GK5: variants seen among roughly 807,000 people sequenced by gnomAD.
GK5 encodes the protein ATP:glycerol 3-phosphotransferase 5.
A neutral mutation model predicts 77.3 loss-of-function variants in GK5; 39 were observed. The observed-to-expected ratio is 0.50, with a 90% confidence interval of 0.39 to 0.66. GK5 has a LOEUF of 0.66. GK5 is among the 30% of genes least tolerant of loss of function. GK5 has a pLI of 0.00. For missense variants in GK5, 487 were observed against 633.8 expected, an observed-to-expected ratio of 0.77 and a Z score of 2.49; for synonymous variants, 211 against 208.0, an observed-to-expected ratio of 1.01 and a Z score of -0.13.
rs541007619 is a variant in GK5, at chr3:142,201,201, A to G, written c.412-2268T>C. Among the ~76,000 whole-genome samples the G allele has an allele frequency of 9.8e-5, 15 of 152,368 alleles. No individual in the cohort carries two copies. In the East Asian group the frequency reaches 2.1e-3, roughly 22 times the overall value. ...GAACGTTCATAAAAGCTTTATTTGT[A>G]ATAGCCAAAAACTGGAATCAGCACA... On this transcript the variant is annotated intron_variant, in intron 4 of 15. Coordinates refer to ENST00000392993, the MANE Select transcript of GK5 (RefSeq NM_001039547.3).
At chr3:142,186,075 A>G in intron 8 of GK5, 86 bp from the exon 9 acceptor site, 1 of 1,219,934 alleles carries the variant, frequency 8.2e-7, no homozygotes, top group Non-Finnish European at 1.2e-6. Flanking sequence ...TGCATAAGCC[A>G]AAAAGTTACA....
chr3:142,186,685 C>T (rs566390078), intron 6 of GK5, among the ~76,000 whole-genome samples, 172 bp from the exon 7 acceptor site: 4 of 144,482 alleles, frequency 2.8e-5, no homozygotes, highest in Admixed American at 7.2e-5. Context: ...GGCTAGAGTG[C>T]AATGGCACGA....
intron 5 of GK5, among the ~76,000 whole-genome samples, chr3:142,196,244 T>G (rs1476638982): frequency 6.6e-6 from 1 of 152,072 alleles, no homozygotes; most frequent in Middle Eastern, 3.2e-3. Context: ...TTAGCTAATC[T>G]TTTCAAAGAA....
intron 1 of GK5, among the ~76,000 whole-genome samples, chr3:142,219,746 TAGG>T (rs2064317407): frequency 6.6e-6 from 1 of 152,246 alleles, no homozygotes. Flanking sequence ...GAGGCCGAGG[TAGG>T]AGAATTGCTT....
At chr3:142,208,125 A>AT (rs1174490773) in intron 3 of GK5, among the ~76,000 whole-genome samples, 3 of 152,150 alleles carry the variant, frequency 2.0e-5, no homozygotes, top group African/African-American at 7.2e-5. Flanking sequence ...TTTTTCAGAC[A>AT]TTTTTTAAAT....
At chr3:142,170,041 T>G in intron 15 of GK5, 1 of 470,538 alleles carries the variant, frequency 2.1e-6, no homozygotes, top group South Asian at 2.1e-5. Flanking sequence ...CCAGAAAGTT[T>G]ACCCAGAGAC....
In GK5 at chr3:142,183,054, C is replaced by CA; in HGVS notation, c.817-6dup. The CA allele has an allele frequency of 6.2e-7, 1 of 1,612,952 alleles. No homozygotes were observed. The highest frequency in any genetic ancestry group is 8.5e-7 in the Non-Finnish European group (1 of 1,179,572). On this transcript the variant is annotated splice_region_variant and splice_polypyrimidine_tract_variant and intron_variant, in intron 9 of 15. Transcript: ENST00000392993. Reference sequence around the variant, plus strand: ...GGCTGATTGCTGGTCAGCAACCTACCAAAAATGTTCAAATGTAAACCCATT... The same window carrying CA: ...GGCTGATTGCTGGTCAGCAACCTACCAAAAAATGTTCAAATGTAAACCCATT...
intron 12 of GK5, among the ~76,000 whole-genome samples, chr3:142,174,062 T>G (rs2063576588): frequency 6.6e-6 from 1 of 152,092 alleles, no homozygotes. Flanking sequence ...CACCACAGTT[T>G]ATAATCACAT....
chr3:142,179,296 GAC>G (rs2063663006), intron 11 of GK5, among the ~76,000 whole-genome samples: 1 of 152,154 alleles, frequency 6.6e-6, no homozygotes, highest in South Asian at 2.1e-4. Context: ...TACTCAAAAT[GAC>G]AGTTATCAAA....
intron 1 of GK5, among the ~76,000 whole-genome samples, chr3:142,221,670 G>T (rs2107801423): frequency 6.6e-6 from 1 of 152,150 alleles, no homozygotes; most frequent in South Asian, 2.1e-4. Flanking sequence ...TTCTCATAAT[G>T]GCATGATGTT....
chr3:142,179,898 G>C (rs1468746772), intron 11 of GK5, among the ~76,000 whole-genome samples: 14 of 152,156 alleles, frequency 9.2e-5, no homozygotes, highest in Admixed American at 9.2e-4. Context: ...TCCTGGCCTA[G>C]ACTCAGAGGT....
At chr3:142,190,248 G>A (rs919571568) in intron 5 of GK5, among the ~76,000 whole-genome samples, 1 of 152,172 alleles carries the variant, frequency 6.6e-6, no homozygotes, top group African/African-American at 2.4e-5. Context: ...ATGTAAGATA[G>A]GGTTAGATAT....
At chr3:142,213,480 G>T in intron 3 of GK5, 46 bp downstream of exon 3, 1 of 1,075,960 alleles carries the variant, frequency 9.3e-7, no homozygotes, top group Non-Finnish European at 1.5e-6. Context: ...TGTACTCACT[G>T]TGGCATGAAC....
At position 142,172,372 on chromosome 3, in the gene GK5, A is replaced by G. The variant is rs746971151; in HGVS notation, c.1228T>C (p.Leu410=). 5 of 1,593,148 alleles carry G rather than the reference A, an allele frequency of 3.1e-6. No homozygotes were observed. In the East Asian group the frequency reaches 1.1e-4, roughly 36 times the overall value. The part of the protein sequence containing the change: ...TSKYHLVRAI[L]ESIAFRNKQL... ...TCATACCTGAAAGCTATTGACTCCAATATTGCTCGTACAAGATGGTATTTA... is the reference window on the plus strand; with the variant it reads ...TCATACCTGAAAGCTATTGACTCCAGTATTGCTCGTACAAGATGGTATTTA... The change falls in exon 13 of 16, where the codon TTG becomes CTG. Residue 410 remains leucine, a synonymous_variant. Transcript: ENST00000392993.
At chr3:142,200,761 CA>C (rs1452306207) in intron 4 of GK5, among the ~76,000 whole-genome samples, 3 of 152,174 alleles carry the variant, frequency 2.0e-5, no homozygotes, top group Non-Finnish European at 4.4e-5. Context: ...AACATATAAA[CA>C]ATTAGCATCT....
intron 9 of GK5, among the ~76,000 whole-genome samples, chr3:142,184,282 A>G (rs970539490): frequency 2.0e-5 from 3 of 149,388 alleles, no homozygotes; most frequent in Non-Finnish European, 4.5e-5. Flanking sequence ...AAAAAAAAAA[A>G]AAAAGAAAAT....
chr3:142,212,266 C>CA, intron 3 of GK5, among the ~76,000 whole-genome samples: 1 of 151,802 alleles, frequency 6.6e-6, no homozygotes, highest in Non-Finnish European at 1.5e-5. Flanking sequence ...TAAACCAAGA[C>CA]ACAGAGAAAC....
Position 142,183,004 on chromosome 3 carries a change from T to C in GK5, c.862A>G (p.Thr288Ala), listed in dbSNP as rs753106814. ...SAMFGECCFQ[T>A]GDVKLTMGTG... ...CCCATGGTTAATTTCACATCACCTG[T>C]CTGGAAGCAGCACTCTCCAAACATG... The change falls in exon 10 of 16, where the codon ACA becomes GCA. Residue 288 changes from threonine to alanine, a missense_variant. By Grantham distance (58) the Thr-to-Ala change is moderately conservative (BLOSUM62 0). Coordinates refer to ENST00000392993, the MANE Select transcript of GK5 (RefSeq NM_001039547.3). 3 of 1,613,654 alleles carry C rather than the reference T, an allele frequency of 1.9e-6. No individual in the cohort carries two copies. Among genetic ancestry groups the C allele is most frequent in the African/African-American group, 1.3e-5 (1 of 74,904 alleles).
chr3:142,190,832 T>C (rs926449589), intron 5 of GK5, among the ~76,000 whole-genome samples: 1 of 152,048 alleles, frequency 6.6e-6, no homozygotes, highest in African/African-American at 2.4e-5. Flanking sequence ...CTGGAGGTCC[T>C]TGCCAATGAA....
Sources: allele counts gnomAD v4.1 joint callset (sites outside exome capture counted in the v4.1 genomes callset), GRCh38; gene constraint gnomAD v4.1.1; transcripts MANE v1.5; gene names NCBI Gene and HGNC (gene_info 2026-07-23, HGNC 2026-07-21).